Variants in PKHD1L1 observed in about 807,000 individuals in gnomAD.
The protein encoded by PKHD1L1 is fibrocystin-L.
Under a neutral mutation model 462.9 loss-of-function variants are expected in PKHD1L1, and 434 were observed. That is an observed-to-expected ratio of 0.94 (90% CI 0.87 to 1.02). The LOEUF is 1.02. Ranked by LOEUF, PKHD1L1 falls within the 50% of genes least tolerant of loss-of-function variation. The pLI, the probability that PKHD1L1 is intolerant of heterozygous loss-of-function variation, is 0.00. For missense variants in PKHD1L1, 5,202 were observed against 5,096.1 expected (o/e 1.02, Z -0.63); for synonymous variants, 1,781 against 1,750.0 (o/e 1.02, Z -0.44).
At chr8:109,415,797 A>C (rs1814120907) in intron 21 of PKHD1L1, among the ~76,000 whole-genome samples, 1 of 150,606 alleles carries the variant, frequency 6.6e-6, no homozygotes, top group African/African-American at 2.5e-5. Flanking sequence ...GCAGTGAGCC[A>C]AGATTGTGAC....
At position 109,464,661 on chromosome 8, in the gene PKHD1L1, A is replaced by G. The variant is rs1187914381; in HGVS notation, c.7829A>G (p.Glu2610Gly). Residue 2610 changes from glutamate (E) to glycine (G), a missense_variant, in exon 49 of 78, where the codon GAA becomes GGA. Physicochemically the swap from Glu to Gly is moderately conservative, Grantham distance 98. Transcript: ENST00000378402. The part of the protein sequence containing the change: ...NICQKRVPLG[E>G]FFNNTVHSQG... ...TGTCAAAAAAGAGTTCCCCTTGGCGAATTTTTTAACAATACTGTCCATTCT... is the reference window on the plus strand; with the variant it reads ...TGTCAAAAAAGAGTTCCCCTTGGCGGATTTTTTAACAATACTGTCCATTCT... 1.2e-6 allele frequency: 2 copies of G among 1,613,056 alleles called. No homozygotes were observed. The highest frequency in any genetic ancestry group is 8.5e-7 in the Non-Finnish European group (1 of 1,179,786).
At chr8:109,511,335 C>A (rs1425805508) in intron 71 of PKHD1L1, among the ~76,000 whole-genome samples, 1 of 100,934 alleles carries the variant, frequency 9.9e-6, no homozygotes, top group Non-Finnish European at 1.9e-5. Flanking sequence ...CTAAAGCTAT[C>A]CCTCCCCCCT....
rs1298234771 is a variant in PKHD1L1, at chr8:109,466,783, ATTAGT to A, written c.8605+18_8605+22del. On this transcript the variant is annotated intron_variant, in intron 50 of 77. Transcript: ENST00000378402. ...CAGACTCTTTTGGTAAGTGGAATAT[ATTAGT>A]TTAAACAACTAATTTAAATATATCT... 1.3e-6 allele frequency: 2 copies of A among 1,589,246 alleles called. No individual in the cohort carries two copies. The highest frequency in any genetic ancestry group is 1.7e-6 in the Non-Finnish European group (2 of 1,168,356).
rs753633153 is a variant in PKHD1L1 at position 109,531,276 on chromosome 8, T to C, written c.*1186T>C. Among the ~76,000 whole-genome samples the C allele has an allele frequency of 4.9e-4, 75 of 152,338 alleles. No individual in the cohort carries two copies. The highest frequency in any genetic ancestry group is 2.3e-3 in the Admixed American group (35 of 15,290). ...GTAAAATCAAATATCTTGGTATAAATGTGGCATTTCATTCACTTGAGCAGT... is the reference window on the plus strand; with the variant it reads ...GTAAAATCAAATATCTTGGTATAAACGTGGCATTTCATTCACTTGAGCAGT... On this transcript the variant is annotated 3_prime_UTR_variant, in exon 78 of 78. Coordinates refer to ENST00000378402, the MANE Select transcript of PKHD1L1 (RefSeq NM_177531.6).
chr8:109,397,773 A>C (rs1813054687), intron 11 of PKHD1L1, among the ~76,000 whole-genome samples: 1 of 152,212 alleles, frequency 6.6e-6, no homozygotes, highest in South Asian at 2.1e-4. Flanking sequence ...TGGCAAAAAT[A>C]TCTCTCTCCA....
At chr8:109,417,245 A>T (rs185086295) in intron 21 of PKHD1L1, among the ~76,000 whole-genome samples, 3 of 152,264 alleles carry the variant, frequency 2.0e-5, no homozygotes, top group Admixed American at 2.0e-4. Context: ...GAGGGGATGG[A>T]TACCCCATTT....
At chr8:109,364,215 T>C (rs965269969) in intron 1 of PKHD1L1, among the ~76,000 whole-genome samples, 3 of 152,246 alleles carry the variant, frequency 2.0e-5, no homozygotes, top group African/African-American at 7.2e-5. Context: ...AGCATAGTTA[T>C]AGATCTGCAG....
Position 109,420,657 on chromosome 8 carries a change from C to T in PKHD1L1, c.2664C>T (p.Tyr888=), listed in dbSNP as rs1284737696. 1.9e-6 allele frequency: 3 copies of T among 1,600,318 alleles called. No homozygotes were observed. Among genetic ancestry groups the T allele is most frequent in the South Asian group, 1.1e-5 (1 of 88,270 alleles). ...SVTMTSYNCS[Y]NIPMMAVSFG... Reference sequence around the variant, plus strand: ...CCATGACTTCATACAATTGCAGTTACAATATACCCATGATGGCTGTGAGCT... The same window carrying T: ...CCATGACTTCATACAATTGCAGTTATAATATACCCATGATGGCTGTGAGCT... Residue 888 remains tyrosine, a synonymous_variant, in exon 23 of 78, where the codon TAC becomes TAT. Coordinates refer to ENST00000378402, the MANE Select transcript of PKHD1L1 (RefSeq NM_177531.6).
intron 67 of PKHD1L1, chr8:109,499,440 T>G (rs1819288280): frequency 6.6e-6 from 1 of 152,224 alleles, no homozygotes. Flanking sequence ...ATCCCAGAAA[T>G]GTGAAACAAA....
At position 109,516,775 on chromosome 8, in the gene PKHD1L1, A is replaced by T. The variant is rs185539507; in HGVS notation, c.11690-1392A>T. 3.3e-5 allele frequency among the ~76,000 whole-genome samples: 5 copies of T among 152,258 alleles called. No homozygotes were observed. In the East Asian group the frequency reaches 9.7e-4, roughly 29 times the overall value. On this transcript the variant is annotated intron_variant, in intron 72 of 77. Transcript: ENST00000378402. Reference sequence around the variant, plus strand: ...TTAATAAATTGTTCACTCTTTTCAAATAACAGATATGGTACCAAGCACAAT... The same window carrying T: ...TTAATAAATTGTTCACTCTTTTCAATTAACAGATATGGTACCAAGCACAAT...
In PKHD1L1 at chr8:109,481,550, GC is replaced by G. The variant is rs762048430; in HGVS notation, c.9446del (p.Ala3149GlufsTer4). ...WALPEGPNQGAKVLGVFGELD... is the reference protein window; with the variant it reads ...WALPEGPNQGXKVLGVFGELD... ...TCTTCCAGAAGGACCAAATCAAGGG[GC>G]AAAGGTCTTAGGTGTGTGTCTACAG... is the stretch of plus-strand genomic sequence containing the variant. On this transcript the variant is annotated frameshift_variant, in exon 56 of 78. Coordinates refer to ENST00000378402, the MANE Select transcript of PKHD1L1 (RefSeq NM_177531.6). LOFTEE classifies it high-confidence loss of function. The G allele has an allele frequency of 1.9e-6, 3 of 1,592,160 alleles. No homozygotes were observed. In the East Asian group the frequency reaches 6.8e-5, roughly 36 times the overall value.
intron 70 of PKHD1L1, among the ~76,000 whole-genome samples, chr8:109,510,106 A>G (rs1819890771): frequency 6.6e-6 from 1 of 152,142 alleles, no homozygotes; most frequent in South Asian, 2.1e-4. Flanking sequence ...AATGATGTCA[A>G]CACTCTAATA....
chr8:109,526,228 T>TACAAAAA (rs1242387992), intron 76 of PKHD1L1, among the ~76,000 whole-genome samples: 1 of 152,212 alleles, frequency 6.6e-6, no homozygotes, highest in Non-Finnish European at 1.5e-5. Flanking sequence ...AGCCTTGTAA[T>TACAAAAA]ACAAAAATAG....
At chr8:109,439,992 T>C (rs1391573502) in intron 32 of PKHD1L1, among the ~76,000 whole-genome samples, 4 of 152,078 alleles carry the variant, frequency 2.6e-5, no homozygotes, top group African/African-American at 9.7e-5. Flanking sequence ...CTTGACCATA[T>C]AATGGGTGAA....
intron 22 of PKHD1L1, 28 bp from the exon 23 acceptor site, chr8:109,420,490 A>C: frequency 7.0e-7 from 1 of 1,437,142 alleles, no homozygotes; most frequent in Non-Finnish European, 9.2e-7. Context: ...TTTTACACCA[A>C]CCTAATATTT....
rs1010276235 is a variant in PKHD1L1, at chr8:109,437,596, C to T, written c.3628-728C>T. Among the ~76,000 whole-genome samples, 5 of 148,072 alleles carry T rather than the reference C, an allele frequency of 3.4e-5. No homozygotes were observed. The East Asian group carries it at 8.2e-4, about 24-fold the overall frequency. ...CTGGTTTCCTTATTACATGCCAAAA[C>T]GTAATGAATCCTGTCACTGACTTTT... On this transcript the variant is annotated intron_variant, in intron 30 of 77. Transcript: ENST00000378402.
chr8:109,439,012 T>A lies in PKHD1L1; in HGVS notation c.3876T>A (p.Ile1292=). ...CQILHWNFTD[I]RCLLPKLSPG... ...TTCTTCACTGGAACTTCACAGATAT[T>A]AGATGCCTTTTGCCCAAGTTGTCTC... The change falls in exon 32 of 78, where the codon ATT becomes ATA. Residue 1292 remains isoleucine (I), a synonymous_variant. Transcript: ENST00000378402. The A allele has an allele frequency of 6.2e-7, 1 of 1,613,698 alleles. No homozygotes were observed. Among genetic ancestry groups the A allele is most frequent in the Admixed American group, 1.7e-5 (1 of 60,006 alleles).
intron 57 of PKHD1L1, among the ~76,000 whole-genome samples, chr8:109,484,818 T>G (rs1389690160): frequency 1.3e-5 from 2 of 151,958 alleles, no homozygotes; most frequent in Admixed American, 1.3e-4. Context: ...ACTAAATGGC[T>G]GAATTAAAGT....
chr8:109,498,087 CT>C (rs71305953), intron 65 of PKHD1L1, among the ~76,000 whole-genome samples: 79 of 58,966 alleles, frequency 1.3e-3, no homozygotes, highest in African/African-American at 3.9e-3. Flanking sequence ...ATCATGTTTT[CT>C]TTTTTTTTTT....
Sources: allele counts gnomAD v4.1 joint callset (sites outside exome capture counted in the v4.1 genomes callset), GRCh38; gene constraint gnomAD v4.1.1; transcripts MANE v1.5; gene names NCBI Gene and HGNC (gene_info 2026-07-23, HGNC 2026-07-21).